The following ALDH1A2 variants were observed in gnomAD, a reference collection of about 807,000 sequenced individuals.
ALDH1A2 encodes the protein retinal dehydrogenase 2.
ALDH1A2 carries 27 observed loss-of-function variants against 60.3 expected under a neutral mutation model. The ratio of observed to expected loss-of-function variants is 0.45; its 90% confidence interval spans 0.33 to 0.62. ALDH1A2 has a LOEUF of 0.62. Among genes scored for constraint, ALDH1A2 ranks in the 20% least tolerant of loss-of-function variants. The pLI is 0.02. For missense variants in ALDH1A2, 581 were observed against 643.8 expected (o/e 0.90, Z 1.06); for synonymous variants, 289 against 232.4 (o/e 1.24, Z -2.21).
At chr15:58,046,120 A>G (rs1289977706) in intron 1 of ALDH1A2, among the ~76,000 whole-genome samples, 1 of 152,054 alleles carries the variant, frequency 6.6e-6, no homozygotes, top group South Asian at 2.1e-4. Flanking sequence ...CTTTCTGCCA[A>G]TAAGAAATGT....
intron 1 of ALDH1A2, among the ~76,000 whole-genome samples, chr15:58,064,715 C>T (rs1897127629): frequency 6.6e-6 from 1 of 152,270 alleles, no homozygotes; most frequent in Non-Finnish European, 1.5e-5. Flanking sequence ...AATACCCCTA[C>T]GTTTGTAATC....
chr15:58,003,886 A>G (rs1424230867), intron 4 of ALDH1A2, among the ~76,000 whole-genome samples: 2 of 151,942 alleles, frequency 1.3e-5, no homozygotes, highest in East Asian at 3.9e-4. Context: ...TAAAAGGGTC[A>G]AAGCTTAGGA....
At chr15:58,038,115 AC>A (rs1415717026) in intron 1 of ALDH1A2, among the ~76,000 whole-genome samples, 13 of 150,488 alleles carry the variant, frequency 8.6e-5, no homozygotes, top group African/African-American at 2.9e-4. Flanking sequence ...TCCTACTAAC[AC>A]CCTCTTCCCC....
At chr15:57,958,301 A>C (rs1228135906) in intron 12 of ALDH1A2, among the ~76,000 whole-genome samples, 6 of 152,230 alleles carry the variant, frequency 3.9e-5, no homozygotes, top group African/African-American at 1.2e-4. Flanking sequence ...GAGTTTTTAA[A>C]ATGCTGAGGT....
chr15:58,049,454 A>C (rs915365050), intron 1 of ALDH1A2, among the ~76,000 whole-genome samples: 9 of 152,138 alleles, frequency 5.9e-5, no homozygotes, highest in African/African-American at 2.2e-4. Flanking sequence ...GTATGCACTG[A>C]GACTTTTTAT....
chr15:57,967,426 A>G (rs1386880317), intron 7 of ALDH1A2, among the ~76,000 whole-genome samples: 1 of 152,154 alleles, frequency 6.6e-6, no homozygotes, highest in African/African-American at 2.4e-5. Context: ...TCCACGTTCA[A>G]TGGACAGAAA....
At chr15:58,023,431 G>T (rs539662174) in intron 1 of ALDH1A2, among the ~76,000 whole-genome samples, 13 of 152,258 alleles carry the variant, frequency 8.5e-5, no homozygotes, top group African/African-American at 3.1e-4. Context: ...AACACATGCA[G>T]ATACAGGATG....
intron 2 of ALDH1A2, 53 bp from the exon 3 acceptor site, chr15:58,014,051 AACCATCC>A: frequency 6.2e-7 from 1 of 1,614,084 alleles, no homozygotes; most frequent in Admixed American, 1.7e-5. Flanking sequence ...ATAAAGGAAG[AACCATCC>A]ACTGTCATGA....
At chr15:58,060,147 C>T (rs1896987616) in intron 1 of ALDH1A2, among the ~76,000 whole-genome samples, 1 of 152,132 alleles carries the variant, frequency 6.6e-6, no homozygotes, top group African/African-American at 2.4e-5. Context: ...TGTCAAACTC[C>T]TGGCTTCAGG....
chr15:58,003,645 C>T (rs145630066), intron 4 of ALDH1A2, among the ~76,000 whole-genome samples: 71 of 151,938 alleles, frequency 4.7e-4, no homozygotes, highest in African/African-American at 1.6e-3. Flanking sequence ...AAATTAACTT[C>T]CATTTCTCCC....
At chr15:57,958,264 G>C (rs139695552) in intron 12 of ALDH1A2, among the ~76,000 whole-genome samples, 3 of 151,608 alleles carry the variant, frequency 2.0e-5, no homozygotes, top group Admixed American at 6.6e-5. Context: ...ATCTAACAAT[G>C]CTTCTCATTT....
chr15:58,057,144 A>G (rs1566962999), intron 1 of ALDH1A2, among the ~76,000 whole-genome samples: 1 of 152,172 alleles, frequency 6.6e-6, no homozygotes, highest in African/African-American at 2.4e-5. Context: ...CATTACTGCA[A>G]TAACAAAATG....
intron 8 of ALDH1A2, 50 bp downstream of exon 8, chr15:57,965,675 G>A: frequency 7.7e-7 from 1 of 1,294,234 alleles, no homozygotes; most frequent in Non-Finnish European, 1.1e-6. Flanking sequence ...ATAAAAGAGA[G>A]CACCAAAGGG....
intron 12 of ALDH1A2, among the ~76,000 whole-genome samples, chr15:57,956,783 G>A (rs1318804453): frequency 6.6e-6 from 1 of 152,132 alleles, no homozygotes; most frequent in East Asian, 1.9e-4. Context: ...CATTTGAAGT[G>A]AATTTACTCC....
intron 12 of ALDH1A2, among the ~76,000 whole-genome samples, chr15:57,957,487 A>T (rs1291550902): frequency 6.6e-6 from 1 of 152,154 alleles, no homozygotes; most frequent in Non-Finnish European, 1.5e-5. Flanking sequence ...TTGTTCCAGG[A>T]TTTCTGTCGC....
At chr15:57,974,750 C>A (rs1416799438) in intron 7 of ALDH1A2, among the ~76,000 whole-genome samples, 1 of 152,064 alleles carries the variant, frequency 6.6e-6, no homozygotes, top group East Asian at 1.9e-4. Flanking sequence ...AAAGCCTGAT[C>A]TATAAAAGAA....
intron 7 of ALDH1A2, among the ~76,000 whole-genome samples, chr15:57,976,975 T>C (rs1334975497): frequency 2.0e-5 from 3 of 152,230 alleles, no homozygotes; most frequent in Non-Finnish European, 2.9e-5. Flanking sequence ...TGAGATGGTA[T>C]CTCACTGTGG....
intron 1 of ALDH1A2, among the ~76,000 whole-genome samples, chr15:58,056,890 T>C (rs1456315358): frequency 7.9e-5 from 12 of 152,100 alleles, no homozygotes; most frequent in African/African-American, 2.4e-4. Context: ...ATCTGAAGTA[T>C]AGGTGAAAAT....
intron 1 of ALDH1A2, among the ~76,000 whole-genome samples, chr15:58,035,196 A>C (rs1391732526): frequency 6.6e-6 from 1 of 151,660 alleles, no homozygotes; most frequent in Non-Finnish European, 1.5e-5. Context: ...TCTTTCAATG[A>C]ATTGGCCCAT....
Sources: gnomAD v4.1 joint callset for allele counts (sites outside exome capture counted in the v4.1 genomes callset) on GRCh38, gnomAD v4.1.1 for gene constraint, MANE v1.5 for transcripts, NCBI Gene and HGNC (gene_info 2026-07-23, HGNC 2026-07-21) for gene names.